Variants in TCF24 observed in about 807,000 individuals in gnomAD.
TCF24 encodes transcription factor 24.
In TCF24, 5 loss-of-function variants were observed where a neutral mutation model predicts 9.3. The ratio of observed to expected loss-of-function variants is 0.54; its 90% CI spans 0.28 to 1.13. The LOEUF (loss-of-function observed/expected upper bound fraction) is 1.13, where lower values mean the gene tolerates loss of function less well. Ranked by LOEUF, TCF24 falls within the 50% of genes most tolerant of loss-of-function variation. TCF24 has a pLI of 0.09. For missense variants in TCF24, 220 were observed against 236.1 expected (o/e 0.93, Z 0.45); for synonymous variants, 110 against 115.8 (o/e 0.95, Z 0.32).
chr8:66,951,666 AT>A (rs1814060943), intron 3 of TCF24, among the ~76,000 whole-genome samples: 1 of 152,198 alleles, frequency 6.6e-6, no homozygotes, highest in African/African-American at 2.4e-5. Flanking sequence ...TTCAGAAGGA[AT>A]GGTACCAGTT....
intron 3 of TCF24, among the ~76,000 whole-genome samples, chr8:66,955,685 A>C (rs1300179694): frequency 6.6e-6 from 1 of 152,208 alleles, no homozygotes; most frequent in Non-Finnish European, 1.5e-5. Flanking sequence ...GTCACACCCC[A>C]GACCAATTAA....
In TCF24 at chr8:66,961,524, G is replaced by A. The variant is rs1191883297; in HGVS notation, c.242C>T (p.Pro81Leu). 3 of 1,514,978 alleles carry A rather than the reference G, an allele frequency of 2.0e-6. No homozygotes were observed. The highest frequency in any genetic ancestry group is 2.4e-5 in the South Asian group (2 of 81,780). 93.8% of individuals were successfully genotyped at this position (1,514,978 alleles called of 1,614,324 possible). A position where few individuals can be genotyped will look rare whatever the true frequency, so the allele number is the denominator to read the frequency against. The change falls in exon 3 of 4, where the codon CCC becomes CTC. Residue 81 changes from proline (P) to leucine (L), a missense_variant. Physicochemically the swap from Pro to Leu is moderately conservative, Grantham distance 98. Coordinates refer to ENST00000563496, the MANE Select transcript of TCF24 (RefSeq NM_001193502.2). ...ELQRTLPSVP[P>L]DTKLSKLDVL... The stretch of plus-strand genomic sequence containing the variant: ...GTCCAGCTTGGACAGCTTGGTGTCG[G>A]GCGGCACGGACGGCAGCGTGCGCTG...
chr8:66,955,149 A>C (rs1814132801), intron 3 of TCF24: 1 of 152,260 alleles, frequency 6.6e-6, no homozygotes, highest in Non-Finnish European at 1.5e-5. Flanking sequence ...ACCTTTTGGT[A>C]ATCATCACAT....
intron 3 of TCF24, among the ~76,000 whole-genome samples, chr8:66,950,265 T>A (rs1373829281): frequency 2.7e-5 from 4 of 150,876 alleles, no homozygotes; most frequent in Non-Finnish European, 5.9e-5. Context: ...CTTTAATCCA[T>A]CTTGAATTGA....
chr8:66,958,828 A>C (rs1487365912), intron 3 of TCF24, among the ~76,000 whole-genome samples: 1 of 152,146 alleles, frequency 6.6e-6, no homozygotes, highest in Non-Finnish European at 1.5e-5. Context: ...TCTGAAATAC[A>C]CTCCTGTTTC....
intron 3 of TCF24, among the ~76,000 whole-genome samples, chr8:66,957,080 T>C (rs899693230): frequency 6.0e-5 from 7 of 116,760 alleles, no homozygotes; most frequent in Admixed American, 2.5e-4. Flanking sequence ...ACCACTACAC[T>C]CTAGCCTGAC....
rs1814277670 is a variant in TCF24 at position 66,962,450 on chromosome 8, TC to T, written c.-257del. On this transcript the variant is annotated 5_prime_UTR_variant, in exon 1 of 4. Coordinates refer to ENST00000563496, the MANE Select transcript of TCF24 (RefSeq NM_001193502.2). ...CATCCTCGTCCGGCCGATGCCCAAG[TC>T]GACGGCTGTTTCCAACCTCCGCTGG... 1 of 152,658 alleles carries T rather than the reference TC, an allele frequency of 6.6e-6. No homozygotes were observed. The highest frequency in any genetic ancestry group is 2.4e-5 in the African/African-American group (1 of 41,464). The allele number at this position is 152,658 out of a possible 1,614,324, so 9.5% of individuals were successfully genotyped here.
At chr8:66,951,520 C>A (rs1420774422) in intron 3 of TCF24, among the ~76,000 whole-genome samples, 1 of 151,968 alleles carries the variant, frequency 6.6e-6, no homozygotes, top group Non-Finnish European at 1.5e-5. Flanking sequence ...ATTTTTGCAT[C>A]AATGTTCATC....
chr8:66,952,873 C>T (rs1224201489), intron 3 of TCF24, among the ~76,000 whole-genome samples: 2 of 140,286 alleles, frequency 1.4e-5, no homozygotes, highest in African/African-American at 5.3e-5. Flanking sequence ...CTCTTTTGAT[C>T]TTTGTTGGTT....
In TCF24 at chr8:66,947,812, CTAA is replaced by C. The variant is rs779388731; in HGVS notation, c.*236_*238del. 9 of 304,666 alleles carry C rather than the reference CTAA, an allele frequency of 3.0e-5. No individual in the cohort carries two copies. Among genetic ancestry groups the C allele is most frequent in the South Asian group, 1.3e-4 (1 of 7,812 alleles). 18.9% of individuals were successfully genotyped at this position (304,666 alleles called of 1,614,324 possible). A position where few individuals can be genotyped will look rare whatever the true frequency, so the allele number is the denominator to read the frequency against. ...TTGTTTGCTTTCATGTGACTTTTTT[CTAA>C]TAATTTCTCTTGCACTATATAGTAG... is the stretch of plus-strand genomic sequence containing the variant. On this transcript the variant is annotated 3_prime_UTR_variant, in exon 4 of 4. Coordinates refer to ENST00000563496, the MANE Select transcript of TCF24 (RefSeq NM_001193502.2).
chr8:66,961,472 G>C lies in TCF24; in HGVS notation c.294C>G (p.Ile98Met), dbSNP rs1324706614. 1 of 1,528,144 alleles carries C rather than the reference G, an allele frequency of 6.5e-7. No homozygotes were observed. Among genetic ancestry groups the C allele is most frequent in the South Asian group, 1.2e-5 (1 of 83,060 alleles). 94.7% of individuals were successfully genotyped at this position (1,528,144 alleles called of 1,614,324 possible). A position where few individuals can be genotyped will look rare whatever the true frequency, so the allele number is the denominator to read the frequency against. The change falls in exon 3 of 4, where the codon ATC becomes ATG. Residue 98 changes from isoleucine (I) to methionine (M), a missense_variant. Physicochemically the swap from Ile to Met is conservative, Grantham distance 10 (BLOSUM62 1). Coordinates refer to ENST00000563496, the MANE Select transcript of TCF24 (RefSeq NM_001193502.2). ...CCTGCAGGCTGCGGGTGAGATGCGC[G>C]ATGTAGGTGGTGGCCAGCAGCAGCA... ...LDVLLLATTY[I>M]AHLTRSLQDD...
In TCF24 at chr8:66,961,366, G is replaced by GC; in HGVS notation, c.390+9dup. The GC allele has an allele frequency of 1.4e-6, 2 of 1,461,732 alleles. No individual in the cohort carries two copies. Among genetic ancestry groups the GC allele is most frequent in the African/African-American group, 1.5e-5 (1 of 68,412 alleles). The allele number at this position is 1,461,732 out of a possible 1,614,324, so 90.5% of individuals were successfully genotyped here. A position where few individuals can be genotyped will look rare whatever the true frequency, so the allele number is the denominator to read the frequency against. On this transcript the variant is annotated intron_variant, in intron 3 of 3. Coordinates refer to ENST00000563496, the MANE Select transcript of TCF24 (RefSeq NM_001193502.2). ...CGGCCCCAGCCCCGCGGTGCGCCCC[G>GC]CCCGCTTACCTTGACCGGGTGCAGG...
At chr8:66,948,562 A>C (rs893686110) in intron 3 of TCF24, among the ~76,000 whole-genome samples, 3 of 152,238 alleles carry the variant, frequency 2.0e-5, no homozygotes, top group Non-Finnish European at 2.9e-5. Flanking sequence ...CAATTTTAGT[A>C]TATGTGCTGC....
At chr8:66,950,166 C>T (rs1814034212) in intron 3 of TCF24, among the ~76,000 whole-genome samples, 1 of 148,402 alleles carries the variant, frequency 6.7e-6, no homozygotes, top group African/African-American at 2.5e-5. Context: ...GTGTTTTAGA[C>T]ATGAAGTCCT....
chr8:66,956,887 T>C (rs900948005), intron 3 of TCF24, among the ~76,000 whole-genome samples: 2 of 151,930 alleles, frequency 1.3e-5, no homozygotes, highest in Admixed American at 6.6e-5. Flanking sequence ...GATTAGCTCA[T>C]GAGGGACTAA....
chr8:66,949,095 T>C (rs1814013379), intron 3 of TCF24, among the ~76,000 whole-genome samples: 1 of 152,060 alleles, frequency 6.6e-6, no homozygotes, highest in Admixed American at 6.6e-5. Context: ...ATCATCTAGC[T>C]CTTTTTTTTT....
At chr8:66,956,229 G>A (rs1814149626) in intron 3 of TCF24, among the ~76,000 whole-genome samples, 1 of 152,076 alleles carries the variant, frequency 6.6e-6, no homozygotes, top group Admixed American at 6.6e-5. Flanking sequence ...CAAAGTGCTG[G>A]GATTACAGGT....
intron 3 of TCF24, among the ~76,000 whole-genome samples, chr8:66,948,854 C>T (rs1228119584): frequency 6.6e-6 from 1 of 152,120 alleles, no homozygotes; most frequent in East Asian, 1.9e-4. Context: ...TACCACCAAG[C>T]CTGGCTAATT....
chr8:66,957,895 TAAAAAAAAAAAA>T (rs11299517), intron 3 of TCF24, among the ~76,000 whole-genome samples: 3 of 43,036 alleles, frequency 7.0e-5, no homozygotes, highest in African/African-American at 2.5e-4. Context: ...TAAGAATTGC[TAAAAAAAAAAAA>T]AAAAAAAAAA....
Sources: gnomAD v4.1 joint callset for allele counts (sites outside exome capture counted in the v4.1 genomes callset) on GRCh38, gnomAD v4.1.1 for gene constraint, MANE v1.5 for transcripts, NCBI Gene and HGNC (gene_info 2026-07-23, HGNC 2026-07-21) for gene names.